The following URB2 variants were observed in gnomAD, a reference collection of about 807,000 sequenced individuals.
URB2 encodes unhealthy ribosome biogenesis protein 2 homolog.
A neutral mutation model predicts 120.9 loss-of-function variants in URB2; 86 were observed. That is an observed-to-expected ratio of 0.71 (90% CI 0.60 to 0.85). URB2 has a LOEUF of 0.85. URB2 is among the 40% of genes least tolerant of loss of function. The pLI is 0.00. For missense variants in URB2, 1,765 were observed against 1,836.5 expected (o/e 0.96, Z 0.71); for synonymous variants, 755 against 758.4 (o/e 1.00, Z 0.07).
intron 7 of URB2, among the ~76,000 whole-genome samples, chr1:229,648,752 T>A (rs776781687): frequency 3.9e-5 from 6 of 152,232 alleles, no homozygotes; most frequent in Non-Finnish European, 8.8e-5. Flanking sequence ...GCCACCACTG[T>A]ATGTGTGGCT....
At position 229,636,374 on chromosome 1, in the gene URB2, C is replaced by T. The variant is rs749442002; in HGVS notation, c.1761C>T (p.Leu587=). ...RELVQPLLAL[L]PDTPGPEPEL... ...TCGTGCAGCCCCTGCTGGCCCTTCT[C>T]CCGGACACCCCAGGCCCAGAGCCAG... Residue 587 remains leucine (L), a synonymous_variant, in exon 4 of 10, where the codon CTC becomes CTT. Coordinates refer to ENST00000258243, the MANE Select transcript of URB2 (RefSeq NM_014777.4). The T allele has an allele frequency of 3.1e-6, 5 of 1,614,104 alleles. No homozygotes were observed. Among genetic ancestry groups the T allele is most frequent in the South Asian group, 1.1e-5 (1 of 91,092 alleles).
intron 4 of URB2, among the ~76,000 whole-genome samples, chr1:229,641,392 G>C (rs1666009192): frequency 6.6e-6 from 1 of 152,136 alleles, no homozygotes; most frequent in Non-Finnish European, 1.5e-5. Context: ...GAGCACCTCG[G>C]TCACAGTGTG....
chr1:229,647,959 C>T (rs1052097908), intron 7 of URB2, among the ~76,000 whole-genome samples: 89 of 152,118 alleles, frequency 5.9e-4, no homozygotes, highest in Non-Finnish European at 1.8e-4. Flanking sequence ...GGTTTGTGAG[C>T]GAGTTTTTCT....
Position 229,635,723 on chromosome 1 carries a change from C to G in URB2, c.1110C>G (p.Asn370Lys), listed in dbSNP as rs745825550. The G allele has an allele frequency of 6.2e-7, 1 of 1,614,206 alleles. No homozygotes were observed. The highest frequency in any genetic ancestry group is 2.2e-5 in the East Asian group (1 of 44,884). The change falls in exon 4 of 10, where the codon AAC becomes AAG. Residue 370 changes from asparagine (N) to lysine (K), a missense_variant. Transcript: ENST00000258243. ...VEQLLNSVAN[N>K]NIYNIAADRI... is the part of the protein sequence containing the mutation. ...AGCTACTAAACTCAGTGGCCAACAA[C>G]AATATCTACAACATCGCTGCCGACA... is the stretch of plus-strand genomic sequence containing the variant.
chr1:229,657,491 C>G (rs1046120348), intron 9 of URB2, among the ~76,000 whole-genome samples: 24 of 151,982 alleles, frequency 1.6e-4, no homozygotes, highest in African/African-American at 5.8e-4. Context: ...TCATTTTTTG[C>G]CTTTGGAAGT....
rs745480191 is a variant in URB2, at chr1:229,635,259, A to G, written c.646A>G (p.Thr216Ala). Reference sequence around the variant, plus strand: ...CCTGAGGCACTTACTCTCTGGGGGCACATGGACGCAGGCTGGCCAGGGCCA... The same window carrying G: ...CCTGAGGCACTTACTCTCTGGGGGCGCATGGACGCAGGCTGGCCAGGGCCA... ...LVLRHLLSGG[T>A]WTQAGQGQLR... Residue 216 changes from threonine to alanine, a missense_variant, in exon 4 of 10, where the codon ACA (threonine) becomes GCA (alanine). Physicochemically the swap from Thr to Ala is moderately conservative, Grantham distance 58 (BLOSUM62 0). Coordinates refer to ENST00000258243, the MANE Select transcript of URB2 (RefSeq NM_014777.4). 6.8e-6 allele frequency: 11 copies of G among 1,614,226 alleles called. No individual in the cohort carries two copies. The highest frequency in any genetic ancestry group is 9.3e-6 in the Non-Finnish European group (11 of 1,180,042).
intron 5 of URB2, among the ~76,000 whole-genome samples, chr1:229,644,097 T>C (rs1446812267): frequency 6.6e-6 from 1 of 152,262 alleles, no homozygotes; most frequent in East Asian, 1.9e-4. Flanking sequence ...TAGGTTAGCC[T>C]ACCCCCTTCA....
intron 7 of URB2, among the ~76,000 whole-genome samples, chr1:229,649,295 A>G (rs1254620947): frequency 6.6e-6 from 1 of 152,166 alleles, no homozygotes; most frequent in Non-Finnish European, 1.5e-5. Flanking sequence ...CCTGTTAACA[A>G]TTGCCTTTGA....
At chr1:229,649,969 A>G (rs1666228884) in intron 7 of URB2, among the ~76,000 whole-genome samples, 3 of 152,246 alleles carry the variant, frequency 2.0e-5, no homozygotes, top group African/African-American at 7.2e-5. Context: ...CAAAGGATTA[A>G]GAGAGGGTCC....
rs1312965390 is a variant in URB2, at chr1:229,638,075, C to G, written c.3462C>G (p.Tyr1154Ter). Residue 1154 changes from tyrosine (Y) to a stop codon, truncating the protein, a stop_gained, in exon 4 of 10, where the codon TAC (tyrosine) becomes TAG (stop). Transcript: ENST00000258243. LOFTEE classifies it high-confidence loss of function. ...CGCTGCTCTCCCATGTTGCCCTCTA[C>G]CAGGGTGTTTACTCTCAGATACTGT... ...DRTLLSHVAL[Y>*]QGVYSQILLE... The G allele has an allele frequency of 6.2e-7, 1 of 1,614,204 alleles. No homozygotes were observed. Among genetic ancestry groups the G allele is most frequent in the Admixed American group, 1.7e-5 (1 of 60,032 alleles).
At chr1:229,630,224 A>G (rs2102778817) in intron 2 of URB2, among the ~76,000 whole-genome samples, 1 of 152,338 alleles carries the variant, frequency 6.6e-6, no homozygotes, top group East Asian at 1.9e-4. Flanking sequence ...CTTTCTCCAC[A>G]TCCGTCAGAG....
In URB2 at chr1:229,635,344, G is replaced by A. The variant is rs1290926823; in HGVS notation, c.731G>A (p.Gly244Glu). ...CAGATTGAGGCCATGTTCCGAGGAGGGATTTTTCAGCCTGAGCTACTGTCA... is the reference window on the plus strand; with the variant it reads ...CAGATTGAGGCCATGTTCCGAGGAGAGATTTTTCAGCCTGAGCTACTGTCA... ...RSQIEAMFRG[G>E]IFQPELLSSY... Residue 244 changes from glycine to glutamate, a missense_variant, in exon 4 of 10, where the codon GGG becomes GAG. Gly to Glu is a moderately conservative substitution (Grantham distance 98). Coordinates refer to ENST00000258243, the MANE Select transcript of URB2 (RefSeq NM_014777.4). 2 of 1,614,154 alleles carry A rather than the reference G, an allele frequency of 1.2e-6. No homozygotes were observed. The highest frequency in any genetic ancestry group is 1.7e-6 in the Non-Finnish European group (2 of 1,179,990).
At chr1:229,648,012 T>G (rs1043703628) in intron 7 of URB2, among the ~76,000 whole-genome samples, 3 of 152,188 alleles carry the variant, frequency 2.0e-5, no homozygotes, top group Non-Finnish European at 4.4e-5. Flanking sequence ...ATACTACAGG[T>G]TGAACACTTC....
chr1:229,636,825 G>A lies in URB2; in HGVS notation c.2212G>A (p.Ala738Thr). 7 of 1,612,034 alleles carry A rather than the reference G, an allele frequency of 4.3e-6. No homozygotes were observed. The highest frequency in any genetic ancestry group is 5.9e-6 in the Non-Finnish European group (7 of 1,178,344). Residue 738 changes from alanine to threonine, a missense_variant, in exon 4 of 10, where the codon GCA (alanine) becomes ACA (threonine). Physicochemically the swap from Ala to Thr is moderately conservative, Grantham distance 58 (BLOSUM62 0). Coordinates refer to ENST00000258243, the MANE Select transcript of URB2 (RefSeq NM_014777.4). ...GGTGAGTGGACTCACATACCCTGTAGCACACTGGCACTTGATTGTGTCAAA... is the reference window on the plus strand; with the variant it reads ...GGTGAGTGGACTCACATACCCTGTAACACACTGGCACTTGATTGTGTCAAA... Reference protein sequence around the residue: ...GMVSGLTYPVAHWHLIVSNLT... With the variant: ...GMVSGLTYPVTHWHLIVSNLT...
At chr1:229,645,311 G>C (rs530816635) in intron 5 of URB2, among the ~76,000 whole-genome samples, 3 of 151,214 alleles carry the variant, frequency 2.0e-5, no homozygotes, top group Middle Eastern at 3.4e-3. Context: ...GTTAAATTCT[G>C]CTCACTCTGT....
rs912080818 is a variant in URB2 at position 229,655,594 on chromosome 1, T to C, written c.4377+1206T>C. Among the ~76,000 whole-genome samples, 74 of 152,354 alleles carry C rather than the reference T, an allele frequency of 4.9e-4. 1 individual carries two copies. The highest frequency in any genetic ancestry group is 1.3e-3 in the African/African-American group (54 of 41,590). On this transcript the variant is annotated intron_variant, in intron 9 of 9. Coordinates refer to ENST00000258243, the MANE Select transcript of URB2 (RefSeq NM_014777.4). ...CTATTTTCAAAATTCCACAGGATCC[T>C]GTGTGACCCATAGTAAGTTCACTAC...
At chr1:229,658,973 G>A (rs1034888296) in intron 9 of URB2, 127 bp from the exon 10 acceptor site, 5 of 843,652 alleles carry the variant, frequency 5.9e-6, no homozygotes, top group Admixed American at 2.4e-5. Context: ...AGTGAATGTC[G>A]ATTTTTTTCT....
chr1:229,657,158 C>T (rs943359846), intron 9 of URB2, among the ~76,000 whole-genome samples: 1 of 152,218 alleles, frequency 6.6e-6, no homozygotes, highest in Non-Finnish European at 1.5e-5. Context: ...GTTTGTGCTG[C>T]TCATCTTATC....
chr1:229,657,132 T>TA (rs1666425002), intron 9 of URB2, among the ~76,000 whole-genome samples: 1 of 152,260 alleles, frequency 6.6e-6, no homozygotes, highest in Non-Finnish European at 1.5e-5. Flanking sequence ...TGTATGGTGA[T>TA]AGCTTAGAAT....
Sources: allele counts gnomAD v4.1 joint callset (sites outside exome capture counted in the v4.1 genomes callset), GRCh38; gene constraint gnomAD v4.1.1; transcripts MANE v1.5; gene names NCBI Gene and HGNC (gene_info 2026-07-23, HGNC 2026-07-21).